SIRPB2: variants seen among roughly 807,000 people sequenced by gnomAD.
SIRPB2 encodes the protein signal regulatory protein beta 2.
In SIRPB2, 18 loss-of-function variants were observed where a neutral mutation model predicts 27.1. That is an observed-to-expected ratio of 0.66 (90% confidence interval 0.46 to 0.98). The LOEUF is 0.98. SIRPB2 is among the 50% of genes least tolerant of loss of function. The pLI is 0.00. For synonymous variants in SIRPB2, 150 were observed against 164.6 expected (o/e 0.91, Z 0.68); for missense variants, 420 against 417.4 (o/e 1.01, Z -0.06).
At chr20:1,487,975 A>C (rs1191979008) in intron 1 of SIRPB2, among the ~76,000 whole-genome samples, 1 of 152,256 alleles carries the variant, frequency 6.6e-6, no homozygotes, top group Non-Finnish European at 1.5e-5. Flanking sequence ...ATAAAATGTT[A>C]AACGATACAA....
Position 1,477,325 on chromosome 20 carries a change from T to G in SIRPB2, c.859+13A>C, listed in dbSNP as rs778161619. On this transcript the variant is annotated intron_variant, in intron 4 of 4. Coordinates refer to ENST00000359801, the MANE Select transcript of SIRPB2 (RefSeq NM_001122962.2). ...GGGGGACTCATTGACTCCACTGAGG[T>G]GGGTACGCTCACCTGTTGGAGACAT... is the stretch of plus-strand genomic sequence containing the variant. The G allele has an allele frequency of 4.3e-6, 7 of 1,614,056 alleles. No individual in the cohort carries two copies. The highest frequency in any genetic ancestry group is 5.9e-6 in the Non-Finnish European group (7 of 1,180,038).
chr20:1,483,354 A>G (rs151081055), intron 1 of SIRPB2, among the ~76,000 whole-genome samples: 1,615 of 151,960 alleles, frequency 0.011, 34 homozygotes, highest in African/African-American at 0.038. Flanking sequence ...TGATCTGCCC[A>G]CCTCAGCCTC....
chr20:1,472,936 T>C (rs984817374), downstream of SIRPB2: 1 of 152,254 alleles, frequency 6.6e-6, no homozygotes, highest in Non-Finnish European at 1.5e-5. Context: ...CCCCTGGGTA[T>C]CTGCAGGGCT....
chr20:1,478,553 A>G lies in SIRPB2; in HGVS notation c.506T>C (p.Leu169Ser), dbSNP rs2090634017. The change falls in exon 3 of 5, where the codon TTG (leucine) becomes TCG (serine). Residue 169 changes from leucine (L) to serine (S), a missense_variant. Physicochemically the swap from Leu to Ser is moderately radical, Grantham distance 145. Coordinates refer to ENST00000359801, the MANE Select transcript of SIRPB2 (RefSeq NM_001122962.2). Reference protein sequence around the residue: ...LWIIQPQELVLGTTGDTVFLN... With the variant: ...LWIIQPQELVSGTTGDTVFLN... ...AAAGACAGTGTCTCCAGTGGTCCCC[A>G]ACACCAATTCCTGGGGCTGGATGAT... is the stretch of plus-strand genomic sequence containing the variant. 6.2e-6 allele frequency: 10 copies of G among 1,610,032 alleles called. No individual in the cohort carries two copies. Among genetic ancestry groups the G allele is most frequent in the Non-Finnish European group, 8.5e-6 (10 of 1,177,048 alleles).
intron 4 of SIRPB2, 32 bp downstream of exon 4, chr20:1,477,306 C>A (rs1295569685): frequency 6.2e-7 from 1 of 1,614,214 alleles, no homozygotes; most frequent in East Asian, 2.2e-5. Context: ...CTGTGGGGGA[C>A]TCATTGACTC....
At chr20:1,490,806 C>G (rs1344482532) in intron 1 of SIRPB2, among the ~76,000 whole-genome samples, 1 of 152,134 alleles carries the variant, frequency 6.6e-6, no homozygotes, top group African/African-American at 2.4e-5. Context: ...TTAGAAGGAG[C>G]CCATGCTTGG....
chr20:1,485,257 AC>A (rs1272983453), intron 1 of SIRPB2, among the ~76,000 whole-genome samples: 1 of 152,214 alleles, frequency 6.6e-6, no homozygotes, highest in African/African-American at 2.4e-5. Context: ...TGTTCCTAAC[AC>A]AGATAAATGA....
downstream of SIRPB2, among the ~76,000 whole-genome samples, chr20:1,472,152 T>C (rs535362026): frequency 1.4e-4 from 21 of 152,222 alleles, no homozygotes; most frequent in African/African-American, 4.8e-4. Context: ...GCATGCCCCC[T>C]GCTCTGTCTT....
downstream of SIRPB2, among the ~76,000 whole-genome samples, chr20:1,471,378 T>C (rs557059640): frequency 6.6e-6 from 1 of 152,208 alleles, no homozygotes; most frequent in South Asian, 2.1e-4. Flanking sequence ...ACAACTAAGG[T>C]CTCCATCCAT....
chr20:1,476,603 A>G (rs1248699626), intron 4 of SIRPB2: 2 of 544,146 alleles, frequency 3.7e-6, no homozygotes, highest in Non-Finnish European at 4.7e-6. Flanking sequence ...GCAATCCTCA[A>G]GGTAATCCTA....
chr20:1,480,107 C>A, intron 1 of SIRPB2, 42 bp from the exon 2 acceptor site: 1 of 1,544,704 alleles, frequency 6.5e-7, no homozygotes, highest in Non-Finnish European at 8.7e-7. Context: ...GCAGGAAGGA[C>A]TTGGAGCCCT....
chr20:1,479,417 G>T (rs192959000), intron 2 of SIRPB2: 52 of 460,634 alleles, frequency 1.1e-4, no homozygotes, highest in African/African-American at 9.0e-4. Context: ...AATGTGAGTA[G>T]ATGCTTGAGG....
chr20:1,488,606 C>T (rs2090749465), intron 1 of SIRPB2, among the ~76,000 whole-genome samples: 1 of 151,146 alleles, frequency 6.6e-6, no homozygotes, highest in African/African-American at 2.4e-5. Flanking sequence ...TGAGATCAAG[C>T]CATTGCACTC....
intron 1 of SIRPB2, 36 bp downstream of exon 1, chr20:1,491,239 G>T: frequency 1.3e-6 from 2 of 1,578,202 alleles, no homozygotes; most frequent in Non-Finnish European, 1.7e-6. Context: ...CTGACCAGCC[G>T]GGGGTGGACC....
At chr20:1,478,699 T>A (rs1186829168) in intron 2 of SIRPB2, 92 bp from the exon 3 acceptor site, 1 of 1,092,844 alleles carries the variant, frequency 9.2e-7, no homozygotes, top group East Asian at 2.6e-5. Context: ...CTTCCTTCTT[T>A]CCAGATTTCT....
chr20:1,475,808 C>G lies in SIRPB2; in HGVS notation c.*359G>C. On this transcript the variant is annotated 3_prime_UTR_variant, in exon 5 of 5. Coordinates refer to ENST00000359801, the MANE Select transcript of SIRPB2 (RefSeq NM_001122962.2). ...AGTTCAGAGATTCTTACAGACATCT[C>G]CTGGGAAGAAGACTCTGAGTTGGAT... 1 of 210,272 alleles carries G rather than the reference C, an allele frequency of 4.8e-6. No homozygotes were observed. The highest frequency in any genetic ancestry group is 9.5e-6 in the Non-Finnish European group (1 of 105,110). The allele number at this position is 210,272 out of a possible 1,614,324, so 13.0% of individuals were successfully genotyped here. A position where few individuals can be genotyped will look rare whatever the true frequency, so the allele number is the denominator to read the frequency against.
chr20:1,476,420 C>T (rs2090607056), intron 4 of SIRPB2, 84 bp from the exon 5 acceptor site: 1 of 1,348,280 alleles, frequency 7.4e-7, no homozygotes, highest in East Asian at 2.4e-5. Context: ...TGGGCAAGGT[C>T]ACATCCTGCT....
chr20:1,479,854 G>C lies in SIRPB2; in HGVS notation c.297C>G (p.Ile99Met), dbSNP rs2090649861. Residue 99 changes from isoleucine to methionine, a missense_variant, in exon 2 of 5, where the codon ATC becomes ATG. Transcript: ENST00000359801. ...AATTCAGTGGTTCTGATGTCCGTTG[G>C]ATCATGGGCATTACCCCAGGGAAGG... The part of the protein sequence containing the change: ...RGSFPGVMPM[I>M]QRTSEPLNCD... 1 of 1,614,220 alleles carries C rather than the reference G, an allele frequency of 6.2e-7. No individual in the cohort carries two copies. Among genetic ancestry groups the C allele is most frequent in the Admixed American group, 1.7e-5 (1 of 60,030 alleles).
At chr20:1,485,637 C>A (rs1430764217) in intron 1 of SIRPB2, among the ~76,000 whole-genome samples, 1 of 136,854 alleles carries the variant, frequency 7.3e-6, no homozygotes, top group Non-Finnish European at 1.5e-5. Flanking sequence ...GTAGAACACA[C>A]ACACACACAC....
Sources: gnomAD v4.1 joint callset for allele counts (sites outside exome capture counted in the v4.1 genomes callset) on GRCh38, gnomAD v4.1.1 for gene constraint, MANE v1.5 for transcripts, NCBI Gene and HGNC (gene_info 2026-07-23, HGNC 2026-07-21) for gene names.